CACNG7: variants seen among roughly 807,000 people sequenced by gnomAD.
CACNG7 encodes calcium voltage-gated channel auxiliary subunit gamma 7, also known as voltage-dependent calcium channel gamma-7 subunit.
CACNG7 carries 9 observed loss-of-function variants against 26.3 expected under a neutral mutation model. That is an observed-to-expected ratio of 0.34 (90% CI 0.21 to 0.60). The LOEUF (loss-of-function observed/expected upper bound fraction) is 0.60. Ranked by LOEUF, CACNG7 falls within the 20% of genes least tolerant of loss-of-function variation. CACNG7 has a pLI of 0.81. For missense variants in CACNG7, 297 were observed against 380.4 expected, an observed-to-expected ratio of 0.78 and a Z score of 1.82; for synonymous variants, 170 against 157.0, an observed-to-expected ratio of 1.08 and a Z score of -0.62.
rs2069146543 is a variant in CACNG7, at chr19:53,942,644, GC to G, written c.*354del. 8 of 1,070,798 alleles carry G rather than the reference GC, an allele frequency of 7.5e-6. No individual in the cohort carries two copies. In the South Asian group the frequency reaches 2.4e-4, roughly 32 times the overall value. 66.3% of individuals were successfully genotyped at this position (1,070,798 alleles called of 1,614,324 possible). The stretch of plus-strand genomic sequence containing the variant: ...GGGAGCAGCCAGAGGCGGTGCAAGC[GC>G]CCAGCTCCCCAGAGCTCCCCAACCT... On this transcript the variant is annotated 3_prime_UTR_variant, in exon 6 of 6. Transcript: ENST00000391767. This position sits in a 1 kb window ranked among gnomAD's most constrained non-coding sequence, Gnocchi z 5.9.
intron 4 of CACNG7, among the ~76,000 whole-genome samples, chr19:53,937,367 C>T (rs773827948): frequency 2.0e-5 from 3 of 152,166 alleles, no homozygotes; most frequent in African/African-American, 4.8e-5. Flanking sequence ...GTGGCGGCAC[C>T]GTTTTGCATT....
At chr19:53,915,707 C>A (rs2068893376) in intron 4 of CACNG7, among the ~76,000 whole-genome samples, 1 of 152,202 alleles carries the variant, frequency 6.6e-6, no homozygotes, top group South Asian at 2.1e-4. Flanking sequence ...ATAGCGAGGG[C>A]TTACTGGGTG....
At position 53,924,248 on chromosome 19, in the gene CACNG7, G is replaced by C. The variant is rs2069000084; in HGVS notation, c.424+8743G>C. Among the ~76,000 whole-genome samples, 5 of 149,188 alleles carry C rather than the reference G, an allele frequency of 3.4e-5. 1 individual carries two copies. On this transcript the variant is annotated intron_variant, in intron 4 of 5. Transcript: ENST00000391767. Reference sequence around the variant, plus strand: ...AGTTGCCCCAGGTCTGGTCATTGGTGGAGTTGCCCCAGGTCTGGTCATTGG... The same window carrying C: ...AGTTGCCCCAGGTCTGGTCATTGGTCGAGTTGCCCCAGGTCTGGTCATTGG...
intron 4 of CACNG7, among the ~76,000 whole-genome samples, chr19:53,928,164 TTAC>T: frequency 6.6e-6 from 1 of 152,182 alleles, no homozygotes; most frequent in South Asian, 2.1e-4. Context: ...TAAGAATGAC[TTAC>T]TACAAAGAAA....
Position 53,942,539 on chromosome 19 carries a change from T to C in CACNG7, c.*246T>C. ...TCTCACTCCCAAATGACTCCTCCCCTTCGTTGGCCCGCCCCTTTCCTCTGG... is the reference window on the plus strand; with the variant it reads ...TCTCACTCCCAAATGACTCCTCCCCCTCGTTGGCCCGCCCCTTTCCTCTGG... On this transcript the variant is annotated 3_prime_UTR_variant, in exon 6 of 6. Coordinates refer to ENST00000391767, the MANE Select transcript of CACNG7 (RefSeq NM_031896.5). The surrounding 1 kb of genome is among the most constrained non-coding windows in gnomAD (Gnocchi z 5.9). 1.4e-6 allele frequency: 2 copies of C among 1,385,126 alleles called. No individual in the cohort carries two copies. The highest frequency in any genetic ancestry group is 1.5e-5 in the African/African-American group (1 of 68,710). The allele number at this position is 1,385,126 out of a possible 1,614,324, so 85.8% of individuals were successfully genotyped here. A position where few individuals can be genotyped will look rare whatever the true frequency, so the allele number is the denominator to read the frequency against.
rs2068850849 is a variant in CACNG7 at position 53,909,717 on chromosome 19, C to T, written c.-30+200C>T. 6.6e-6 allele frequency among the ~76,000 whole-genome samples: 1 copy of T among 152,078 alleles called. No homozygotes were observed. Among genetic ancestry groups the T allele is most frequent in the African/African-American group, 2.4e-5 (1 of 41,438 alleles). ...CCCGGAGGACGGGGTCCGAGGGTCC[C>T]GGAGTGGGAAACTGCACTCCTCGCG... On this transcript the variant is annotated intron_variant, in intron 1 of 5. Transcript: ENST00000391767. The surrounding 1 kb of genome is among the most constrained non-coding windows in gnomAD (Gnocchi z 5.1).
At chr19:53,913,294 C>A (rs1442215482) in intron 2 of CACNG7, among the ~76,000 whole-genome samples, 1 of 151,290 alleles carries the variant, frequency 6.6e-6, no homozygotes, top group Non-Finnish European at 1.5e-5. Flanking sequence ...GTCCCCTGCA[C>A]AATTTCAGTG....
chr19:53,930,662 C>T (rs142266840), intron 4 of CACNG7, among the ~76,000 whole-genome samples: 281 of 152,124 alleles, frequency 1.8e-3, no homozygotes, highest in African/African-American at 6.1e-3. Flanking sequence ...CCTGAGCCAC[C>T]GCACTGGGCC....
intron 5 of CACNG7, 50 bp from the exon 6 acceptor site, chr19:53,941,985 CG>C: frequency 6.6e-7 from 1 of 1,517,340 alleles, no homozygotes; most frequent in Non-Finnish European, 8.9e-7. Flanking sequence ...AGTCGGGGTC[CG>C]GGGATGCGCA....
chr19:53,914,253 A>G (rs550832774), intron 2 of CACNG7, among the ~76,000 whole-genome samples: 6 of 145,528 alleles, frequency 4.1e-5, no homozygotes, highest in South Asian at 4.3e-4. Context: ...CAGCCTGGGC[A>G]ACAGAGTGAG....
intron 4 of CACNG7, among the ~76,000 whole-genome samples, chr19:53,927,037 A>G (rs1471322866): frequency 1.3e-5 from 2 of 151,768 alleles, no homozygotes; most frequent in South Asian, 2.1e-4. Flanking sequence ...CTCCTGCCTT[A>G]GCCTCCCATG....
In CACNG7 at chr19:53,912,143, C is replaced by A. The variant is rs956435137; in HGVS notation, c.-29-660C>A. On this transcript the variant is annotated intron_variant, in intron 1 of 5. Coordinates refer to ENST00000391767, the MANE Select transcript of CACNG7 (RefSeq NM_031896.5). This position sits in a 1 kb window ranked among gnomAD's most constrained non-coding sequence, Gnocchi z 4.6. Reference sequence around the variant, plus strand: ...AGTTGTAGAGCATCCAGGGTTCAAGCCCAATGCCCTGTGCTCTGGGATCTA... The same window carrying A: ...AGTTGTAGAGCATCCAGGGTTCAAGACCAATGCCCTGTGCTCTGGGATCTA... Among the ~76,000 whole-genome samples, 1 of 152,112 alleles carries A rather than the reference C, an allele frequency of 6.6e-6. No individual in the cohort carries two copies. Among genetic ancestry groups the A allele is most frequent in the Non-Finnish European group, 1.5e-5 (1 of 68,024 alleles).
intron 4 of CACNG7, among the ~76,000 whole-genome samples, chr19:53,916,218 T>C (rs955546891): frequency 6.6e-6 from 1 of 152,216 alleles, no homozygotes; most frequent in African/African-American, 2.4e-5. Context: ...TAGAGTTCAA[T>C]ATTTGTTTAC....
In CACNG7 at chr19:53,912,767, C is replaced by T. The variant is rs1270037484; in HGVS notation, c.-29-36C>T. On this transcript the variant is annotated intron_variant, in intron 1 of 5. Coordinates refer to ENST00000391767, the MANE Select transcript of CACNG7 (RefSeq NM_031896.5). The surrounding 1 kb of genome is among the most constrained non-coding windows in gnomAD (Gnocchi z 4.6). ...CATGGGGTCAAGCACTCTGGTCGGTCCCATGGAGCTCTGCACTGTAGCTTC... is the reference window on the plus strand; with the variant it reads ...CATGGGGTCAAGCACTCTGGTCGGTTCCATGGAGCTCTGCACTGTAGCTTC... The T allele has an allele frequency of 1.3e-6, 2 of 1,557,554 alleles. No homozygotes were observed. Among genetic ancestry groups the T allele is most frequent in the Non-Finnish European group, 1.8e-6 (2 of 1,140,266 alleles).
At chr19:53,930,210 A>AT (rs200011995) in intron 4 of CACNG7, among the ~76,000 whole-genome samples, 3,305 of 136,468 alleles carry the variant, frequency 0.024, 99 homozygotes, top group African/African-American at 0.073. Flanking sequence ...CTACCTCACC[A>AT]TTTTTTTTTT....
In CACNG7 at chr19:53,943,845, A is replaced by G. The variant is rs2069154576; in HGVS notation, c.*1552A>G. 6.6e-6 allele frequency: 1 copy of G among 152,078 alleles called. No individual in the cohort carries two copies. Among genetic ancestry groups the G allele is most frequent in the African/African-American group, 2.4e-5 (1 of 41,412 alleles). The allele number at this position is 152,078 out of a possible 1,614,324, so 9.4% of individuals were successfully genotyped here. On this transcript the variant is annotated 3_prime_UTR_variant, in exon 6 of 6. Coordinates refer to ENST00000391767, the MANE Select transcript of CACNG7 (RefSeq NM_031896.5). The stretch of plus-strand genomic sequence containing the variant: ...GTCGTTGTTAAATGACTTAATCATC[A>G]TCATTATCAACGGCAGCGCTTTATA...
chr19:53,932,216 T>C (rs1243136717), intron 4 of CACNG7, among the ~76,000 whole-genome samples: 1 of 134,384 alleles, frequency 7.4e-6, no homozygotes, highest in East Asian at 2.1e-4. Flanking sequence ...ATGGTACCAC[T>C]GCACTCCAGC....
rs1344861977 is a variant in CACNG7 at position 53,939,243 on chromosome 19, G to T, written c.425-2227G>T. On this transcript the variant is annotated intron_variant, in intron 4 of 5. Coordinates refer to ENST00000391767, the MANE Select transcript of CACNG7 (RefSeq NM_031896.5). The surrounding 1 kb of genome is among the most constrained non-coding windows in gnomAD (Gnocchi z 4.2). Reference sequence around the variant, plus strand: ...ACTACACTCCAGCCTAGGTGACAGAGCAAGAATCTGTCTCAAAAAATTCCA... The same window carrying T: ...ACTACACTCCAGCCTAGGTGACAGATCAAGAATCTGTCTCAAAAAATTCCA... Among the ~76,000 whole-genome samples, 1 of 152,144 alleles carries T rather than the reference G, an allele frequency of 6.6e-6. No homozygotes were observed. Among genetic ancestry groups the T allele is most frequent in the East Asian group, 1.9e-4 (1 of 5,196 alleles).
chr19:53,924,856 T>C (rs2069011172), intron 4 of CACNG7, among the ~76,000 whole-genome samples: 1 of 142,866 alleles, frequency 7.0e-6, no homozygotes, highest in Non-Finnish European at 1.5e-5. Context: ...GTCTGGTCAT[T>C]GGTGGACTTG....
Sources: gnomAD v4.1 joint callset for allele counts (sites outside exome capture counted in the v4.1 genomes callset) on GRCh38, gnomAD v4.1.1 for gene constraint, Gnocchi (gnomAD v3.1) non-coding constraint, MANE v1.5 for transcripts, NCBI Gene and HGNC (gene_info 2026-07-23, HGNC 2026-07-21) for gene names.